The following KANSL1 variants were observed in gnomAD, a reference collection of about 807,000 sequenced individuals.
KANSL1 encodes the protein MLL1/MLL complex subunit KANSL1.
KANSL1 carries 22 observed loss-of-function variants against 103.6 expected under a neutral mutation model. The ratio of observed to expected loss-of-function variants is 0.21; its 90% CI spans 0.15 to 0.30. The LOEUF (loss-of-function observed/expected upper bound fraction) is 0.30. KANSL1 is among the 10% of genes least tolerant of loss of function. The pLI is 1.00. For missense variants in KANSL1, 1,337 were observed against 1,399.8 expected, an observed-to-expected ratio of 0.96 and a Z score of 0.72; for synonymous variants, 600 against 527.6, an observed-to-expected ratio of 1.14 and a Z score of -1.88.
At chr17:46,095,795 TCAGAATATGTAA>T (rs1487675659) in intron 2 of KANSL1, among the ~76,000 whole-genome samples, 1 of 151,774 alleles carries the variant, frequency 6.6e-6, no homozygotes, top group Non-Finnish European at 1.5e-5. Context: ...CGATTAAACA[TCAGAATATGTAA>T]CAGAACTCTC....
chr17:46,065,203 A>G (rs2078334279), intron 6 of KANSL1, among the ~76,000 whole-genome samples: 1 of 151,702 alleles, frequency 6.6e-6, no homozygotes, highest in African/African-American at 2.4e-5. Context: ...TCCTGAACGC[A>G]AGTGATCCTC....
intron 2 of KANSL1, 110 bp from the exon 3 acceptor site, chr17:46,094,811 T>A: frequency 1.6e-6 from 2 of 1,283,276 alleles, no homozygotes; most frequent in African/African-American, 1.5e-5. Context: ...AGACTAACTC[T>A]AGTGTCAAGA....
chr17:46,082,880 T>C (rs1048604855), intron 3 of KANSL1, among the ~76,000 whole-genome samples: 2 of 152,204 alleles, frequency 1.3e-5, no homozygotes, highest in Non-Finnish European at 2.9e-5. Context: ...ACAGCAGCAA[T>C]GCAGTTTTTG....
chr17:46,109,017 T>C (rs558732806), intron 2 of KANSL1, among the ~76,000 whole-genome samples: 3 of 152,348 alleles, frequency 2.0e-5, no homozygotes, highest in African/African-American at 4.8e-5. Flanking sequence ...GATGCAATCA[T>C]AGCTCACTAT....
At chr17:46,071,136 A>T (rs1217091280) in intron 4 of KANSL1, among the ~76,000 whole-genome samples, 2 of 152,196 alleles carry the variant, frequency 1.3e-5, no homozygotes, top group East Asian at 3.9e-4. Context: ...TGATTTTCTT[A>T]TAGAAACCTG....
intron 1 of KANSL1, among the ~76,000 whole-genome samples, chr17:46,186,244 A>G (rs1258914213): frequency 6.6e-6 from 1 of 151,866 alleles, no homozygotes; most frequent in African/African-American, 2.4e-5. Context: ...TTAGCTGAGC[A>G]TGATGGCGGG....
In KANSL1 at chr17:46,074,597, T is replaced by C. The variant is rs977153821; in HGVS notation, c.1534-6930A>G. On this transcript the variant is annotated intron_variant, in intron 4 of 14. Transcript: ENST00000432791. Reference sequence around the variant, plus strand: ...GCCAGGGCAAAATGGCAAAACCTTGTCACTACAAAAAACATAAAAATGTGC... The same window carrying C: ...GCCAGGGCAAAATGGCAAAACCTTGCCACTACAAAAAACATAAAAATGTGC... 2.0e-4 allele frequency among the ~76,000 whole-genome samples: 30 copies of C among 146,990 alleles called. 2 individuals carry two copies. The highest frequency in any genetic ancestry group is 2.0e-3 in the Admixed American group (29 of 14,552).
In KANSL1 at chr17:46,038,535, T is replaced by G; in HGVS notation, c.2541+3A>C. 6.2e-7 allele frequency: 1 copy of G among 1,613,914 alleles called. No individual in the cohort carries two copies. The highest frequency in any genetic ancestry group is 8.5e-7 in the Non-Finnish European group (1 of 1,179,896). On this transcript the variant is annotated splice_donor_region_variant and intron_variant, in intron 10 of 14. Transcript: ENST00000432791. The stretch of plus-strand genomic sequence containing the variant: ...GTCCGGCCAACCCCACACAGGTACT[T>G]ACCGATGTGCTGGCTGTAACCTGTG...
chr17:46,050,433 G>C (rs1273962158), intron 7 of KANSL1, 100 bp downstream of exon 7: 2 of 1,224,788 alleles, frequency 1.6e-6, no homozygotes, highest in Non-Finnish European at 2.3e-6. Context: ...GTTGTACCTT[G>C]AAAGTATCTG....
chr17:46,180,874 T>C (rs1056227417), intron 1 of KANSL1, among the ~76,000 whole-genome samples: 4 of 152,130 alleles, frequency 2.6e-5, no homozygotes, highest in African/African-American at 7.2e-5. Context: ...TACACACACA[T>C]ATATATGTAT....
At chr17:46,205,289 AC>A (rs1361523880) in intron 1 of KANSL1, among the ~76,000 whole-genome samples, 6 of 152,364 alleles carry the variant, frequency 3.9e-5, no homozygotes, top group African/African-American at 1.4e-4. Context: ...AGCTCAATAT[AC>A]AAGTAGTAAT....
At chr17:46,146,916 A>C (rs2044739704) in intron 2 of KANSL1, among the ~76,000 whole-genome samples, 1 of 152,064 alleles carries the variant, frequency 6.6e-6, no homozygotes, top group Non-Finnish European at 1.5e-5. Flanking sequence ...GAAAAGGTGA[A>C]GATCTGGCTG....
rs1256965552 is a variant in KANSL1 at position 46,082,481 on chromosome 17, A to C, written c.1493T>G (p.Leu498Arg). The C allele has an allele frequency of 6.2e-7, 1 of 1,612,558 alleles. No homozygotes were observed. Among genetic ancestry groups the C allele is most frequent in the East Asian group, 2.2e-5 (1 of 44,876 alleles). ...PEHTTDLFLP[L>R]SSEVKTDHGT... ...ATGATCTGTCTTCACCTCAGAACTA[A>C]GTGGAAGAAATAAGTCTGTTGTATG... The change falls in exon 4 of 15, where the codon CTT becomes CGT. Residue 498 changes from leucine to arginine, a missense_variant. Coordinates refer to ENST00000432791, the MANE Select transcript of KANSL1 (RefSeq NM_015443.4).
At chr17:46,062,114 C>CAAAAAAAAAAAAAAAAA (rs1192815524) in intron 6 of KANSL1, among the ~76,000 whole-genome samples, 8 of 37,080 alleles carry the variant, frequency 2.2e-4, no homozygotes, top group Non-Finnish European at 5.0e-4. Context: ...AAAAAACAAA[C>CAAAAAAAAAAAAAAAAA]AAACAAAAAA....
chr17:46,207,133 G>A (rs986097353), intron 1 of KANSL1, among the ~76,000 whole-genome samples: 3 of 152,100 alleles, frequency 2.0e-5, no homozygotes, highest in African/African-American at 7.2e-5. Context: ...CAATTAGCCA[G>A]GCATGGTGGC....
At chr17:46,055,000 G>A (rs917153253) in intron 6 of KANSL1, among the ~76,000 whole-genome samples, 5 of 151,584 alleles carry the variant, frequency 3.3e-5, no homozygotes, top group African/African-American at 9.7e-5. Context: ...ATAGGCGCCC[G>A]CCACAACACC....
At chr17:46,119,493 G>A (rs540430543) in intron 2 of KANSL1, among the ~76,000 whole-genome samples, 21 of 152,154 alleles carry the variant, frequency 1.4e-4, no homozygotes, top group African/African-American at 5.1e-4. Context: ...TTTTAGTAAA[G>A]ACGAGGTTTC....
intron 2 of KANSL1, among the ~76,000 whole-genome samples, chr17:46,134,777 G>A (rs182051298): frequency 9.9e-5 from 15 of 152,198 alleles, no homozygotes; most frequent in Admixed American, 4.6e-4. Context: ...TCTGGAAGGC[G>A]GAAGCTGCAG....
At chr17:46,149,223 G>T (rs1331229043) in intron 2 of KANSL1, among the ~76,000 whole-genome samples, 1 of 151,794 alleles carries the variant, frequency 6.6e-6, no homozygotes, top group Non-Finnish European at 1.5e-5. Flanking sequence ...GGATGGTCTC[G>T]ATCTCCTGAC....
Sources: allele counts gnomAD v4.1 joint callset (sites outside exome capture counted in the v4.1 genomes callset), GRCh38; gene constraint gnomAD v4.1.1; transcripts MANE v1.5; gene names NCBI Gene and HGNC (gene_info 2026-07-23, HGNC 2026-07-21).